WDR59: variants seen among roughly 807,000 people sequenced by gnomAD.
The protein encoded by WDR59 is WD repeat domain 59, also known as GATOR2 complex protein WDR59.
WDR59 carries 100 observed loss-of-function variants against 131.2 expected under a neutral mutation model. The ratio of observed to expected loss-of-function variants is 0.76; its 90% confidence interval spans 0.65 to 0.90. The LOEUF (loss-of-function observed/expected upper bound fraction) is 0.90, where lower values mean the gene tolerates loss of function less well. WDR59 is among the 40% of genes least tolerant of loss of function. WDR59 has a pLI of 0.00. For missense variants in WDR59, 1,203 were observed against 1,262.2 expected (o/e 0.95, Z 0.71); for synonymous variants, 601 against 466.2 (o/e 1.29, Z -3.72).
chr16:74,893,843 G>C, intron 18 of WDR59, 31 bp from the exon 19 acceptor site: 1 of 1,609,454 alleles, frequency 6.2e-7, no homozygotes, highest in South Asian at 1.1e-5. Context: ...GTAACTAATG[G>C]GGACTTTGAC....
At chr16:74,918,095 T>A (rs2144980624) in intron 10 of WDR59, 87 bp from the exon 11 acceptor site, 2 of 1,317,982 alleles carry the variant, frequency 1.5e-6, no homozygotes, top group Non-Finnish European at 2.2e-6. Flanking sequence ...GATTCATCCA[T>A]CCATTCAACA....
At chr16:74,876,658 G>A (rs564767614) in intron 25 of WDR59, among the ~76,000 whole-genome samples, 2 of 152,196 alleles carry the variant, frequency 1.3e-5, no homozygotes, top group African/African-American at 4.8e-5. Context: ...TGATCTTTGG[G>A]GGGATCTGGA....
chr16:74,906,821 G>C (rs539093657), intron 17 of WDR59, among the ~76,000 whole-genome samples: 304 of 152,292 alleles, frequency 2.0e-3, no homozygotes, highest in African/African-American at 7.0e-3. Flanking sequence ...CAAGAGAGTG[G>C]TGTCCTCTGG....
rs532989088 is a variant in WDR59 at position 74,890,675 on chromosome 16, A to C, written c.2083-860T>G. Among the ~76,000 whole-genome samples, 35 of 152,268 alleles carry C rather than the reference A, an allele frequency of 2.3e-4. 1 individual carries two copies. The South Asian group carries it at 3.9e-3, about 17-fold the overall frequency. ...TTTGGCTTTCTTTTTGTTGACACCA[A>C]ATCTGAGGAATACCTCCCCGACTTG... On this transcript the variant is annotated intron_variant, in intron 20 of 25. Transcript: ENST00000262144.
intron 25 of WDR59, among the ~76,000 whole-genome samples, chr16:74,878,905 G>T (rs1964344789): frequency 6.6e-6 from 1 of 152,192 alleles, no homozygotes; most frequent in African/African-American, 2.4e-5. Context: ...TTCGGCTTTT[G>T]CCTCACACTT....
intron 20 of WDR59, among the ~76,000 whole-genome samples, chr16:74,892,200 A>C (rs118022535): frequency 1.6e-3 from 244 of 152,362 alleles, no homozygotes; most frequent in Non-Finnish European, 2.9e-3. Context: ...AGAAATAGAC[A>C]TGCAAGTTTA....
chr16:74,910,530 A>G (rs1487622556), intron 14 of WDR59, among the ~76,000 whole-genome samples: 7 of 152,094 alleles, frequency 4.6e-5, no homozygotes, highest in Non-Finnish European at 7.4e-5. Context: ...CTCACCCCCA[A>G]CACCACTTGC....
chr16:74,932,977 G>C (rs77432032), intron 8 of WDR59, among the ~76,000 whole-genome samples: 1 of 152,040 alleles, frequency 6.6e-6, no homozygotes, highest in Non-Finnish European at 1.5e-5. Context: ...GAATAATTTC[G>C]CCTTATATAT....
At chr16:74,889,578 G>A in intron 21 of WDR59, 125 bp downstream of exon 21, 1 of 693,976 alleles carries the variant, frequency 1.4e-6, no homozygotes, top group Non-Finnish European at 2.5e-6. Context: ...TGAAAGGAAA[G>A]ATCCTACTCC....
chr16:74,945,994 T>G (rs2032608877), intron 6 of WDR59, among the ~76,000 whole-genome samples: 1 of 151,866 alleles, frequency 6.6e-6, no homozygotes, highest in African/African-American at 2.4e-5. Flanking sequence ...ATTTTGTATT[T>G]TTAGTAGAGA....
intron 13 of WDR59, chr16:74,915,560 G>A (rs2144963573): frequency 4.2e-6 from 1 of 236,966 alleles, no homozygotes; most frequent in African/African-American, 2.3e-5. Flanking sequence ...CTCTCGAGTA[G>A]TTGGAATTAC....
intron 8 of WDR59, among the ~76,000 whole-genome samples, chr16:74,935,189 C>G (rs1257190440): frequency 6.6e-6 from 1 of 151,732 alleles, no homozygotes; most frequent in Non-Finnish European, 1.5e-5. Context: ...AAGATCACAC[C>G]ACTGCAATCG....
intron 14 of WDR59, chr16:74,911,957 G>T (rs1005253115): frequency 4.7e-5 from 26 of 549,688 alleles, no homozygotes; most frequent in Non-Finnish European, 8.3e-5. Context: ...TCTGAGGAAG[G>T]GTCCATAATT....
chr16:74,974,050 A>T (rs2034090773), intron 1 of WDR59, among the ~76,000 whole-genome samples: 1 of 152,138 alleles, frequency 6.6e-6, no homozygotes, highest in Non-Finnish European at 1.5e-5. Context: ...GGCACCTGTA[A>T]TCCCAGCTAC....
At chr16:74,946,694 G>A (rs1036363292) in intron 6 of WDR59, among the ~76,000 whole-genome samples, 1 of 152,042 alleles carries the variant, frequency 6.6e-6, no homozygotes, top group African/African-American at 2.4e-5. Context: ...CTGCACTCCA[G>A]CCTGGGTGAC....
chr16:74,918,601 T>C (rs1221643503), intron 10 of WDR59, among the ~76,000 whole-genome samples: 1 of 152,248 alleles, frequency 6.6e-6, no homozygotes, highest in Non-Finnish European at 1.5e-5. Flanking sequence ...CATATTTTCA[T>C]CTTAACTCTG....
chr16:74,983,269 T>C (rs2145275179), intron 1 of WDR59, among the ~76,000 whole-genome samples: 1 of 152,026 alleles, frequency 6.6e-6, no homozygotes, highest in Non-Finnish European at 1.5e-5. Flanking sequence ...GGCCAGGAGT[T>C]CAAGACCAGC....
chr16:74,935,243 T>C (rs967854732), intron 8 of WDR59, among the ~76,000 whole-genome samples: 2 of 151,572 alleles, frequency 1.3e-5, no homozygotes, highest in African/African-American at 4.9e-5. Flanking sequence ...AAAAAAAGAA[T>C]GTACCAAGTG....
At chr16:74,899,148 G>T (rs185725163) in intron 18 of WDR59, among the ~76,000 whole-genome samples, 83 of 152,262 alleles carry the variant, frequency 5.5e-4, no homozygotes, top group Middle Eastern at 3.4e-3. Flanking sequence ...TGTCCACAGC[G>T]GAGGTTTTAC....
Sources: allele counts gnomAD v4.1 joint callset (sites outside exome capture counted in the v4.1 genomes callset), GRCh38; gene constraint gnomAD v4.1.1; transcripts MANE v1.5; gene names NCBI Gene and HGNC (gene_info 2026-07-23, HGNC 2026-07-21).